Variants in WWOX observed in about 807,000 individuals in gnomAD.
The protein encoded by WWOX is WW domain containing oxidoreductase, also known as WW domain-containing oxidoreductase.
A neutral mutation model predicts 46.2 loss-of-function variants in WWOX; 69 were observed. The observed-to-expected ratio is 1.49, with a 90% CI of 1.23 to 1.82. The LOEUF (loss-of-function observed/expected upper bound fraction) is 1.82. Among genes scored for constraint, WWOX ranks in the 40% most tolerant of loss-of-function variants. WWOX has a pLI of 0.00. For missense variants in WWOX, 919 were observed against 542.6 expected, an observed-to-expected ratio of 1.69 and a Z score of -6.89; for synonymous variants, 359 against 202.6, an observed-to-expected ratio of 1.77 and a Z score of -6.56.
At chr16:78,684,103 A>T (rs1431080536) in intron 8 of WWOX, among the ~76,000 whole-genome samples, 2 of 152,110 alleles carry the variant, frequency 1.3e-5, no homozygotes, top group Non-Finnish European at 2.9e-5. Context: ...GTGCAGTTCA[A>T]CTCAACCTCA....
chr16:78,867,311 C>G (rs556173895), intron 8 of WWOX, among the ~76,000 whole-genome samples: 4 of 152,242 alleles, frequency 2.6e-5, no homozygotes, highest in South Asian at 2.1e-4. Flanking sequence ...TTTCATATCC[C>G]TTTCTATTTT....
chr16:78,259,767 G>C (rs1316171933), intron 5 of WWOX, among the ~76,000 whole-genome samples: 1 of 150,958 alleles, frequency 6.6e-6, no homozygotes, highest in Non-Finnish European at 1.5e-5. Flanking sequence ...TCTATCAAAA[G>C]TTTTATAAAC....
At chr16:78,843,177 C>T (rs1218197548) in intron 8 of WWOX, among the ~76,000 whole-genome samples, 1 of 149,858 alleles carries the variant, frequency 6.7e-6, no homozygotes, top group East Asian at 2.0e-4. Flanking sequence ...AGCCACTGTC[C>T]TAGGAGAGGA....
chr16:78,723,582 CTTT>C (rs1369214444), intron 8 of WWOX, among the ~76,000 whole-genome samples: 109 of 68,628 alleles, frequency 1.6e-3, no homozygotes, highest in African/African-American at 6.9e-3. Flanking sequence ...CTTTTCTTTT[CTTT>C]TCTTTTCTTT....
intron 8 of WWOX, among the ~76,000 whole-genome samples, chr16:79,076,005 G>T (rs933361941): frequency 6.6e-6 from 1 of 152,130 alleles, no homozygotes; most frequent in Non-Finnish European, 1.5e-5. Context: ...TTGTTGAAGT[G>T]GGGTTTTTTT....
intron 3 of WWOX, among the ~76,000 whole-genome samples, chr16:78,111,063 G>C (rs1367195770): frequency 6.6e-6 from 1 of 151,610 alleles, no homozygotes; most frequent in Non-Finnish European, 1.5e-5. Flanking sequence ...TTTGATTCAA[G>C]TACACCAACA....
intron 8 of WWOX, among the ~76,000 whole-genome samples, chr16:78,504,966 A>G (rs1056499521): frequency 1.3e-5 from 2 of 152,116 alleles, no homozygotes; most frequent in Non-Finnish European, 2.9e-5. Context: ...GTATAAATTG[A>G]TGTGTTTTTG....
At chr16:78,482,667 A>AT (rs2084524376) in intron 8 of WWOX, among the ~76,000 whole-genome samples, 2 of 152,202 alleles carry the variant, frequency 1.3e-5, no homozygotes, top group African/African-American at 4.8e-5. Flanking sequence ...CCAGGCAGAG[A>AT]AACTGAGGCT....
intron 8 of WWOX, among the ~76,000 whole-genome samples, chr16:79,148,794 G>GTGC (rs397953961): frequency 6.6e-6 from 1 of 150,524 alleles, no homozygotes; most frequent in African/African-American, 2.4e-5. Context: ...ATTGTAAATG[G>GTGC]CATTGTGTTT....
At chr16:79,046,445 G>C (rs954167735) in intron 8 of WWOX, among the ~76,000 whole-genome samples, 1 of 152,176 alleles carries the variant, frequency 6.6e-6, no homozygotes, top group Non-Finnish European at 1.5e-5. Flanking sequence ...GTTTTACATG[G>C]TTCTGGAGAC....
At chr16:78,569,515 G>A (rs759523171) in intron 8 of WWOX, among the ~76,000 whole-genome samples, 2 of 152,056 alleles carry the variant, frequency 1.3e-5, no homozygotes, top group Non-Finnish European at 2.9e-5. Context: ...CAATTTTATC[G>A]GCTCCTTTTT....
intron 8 of WWOX, among the ~76,000 whole-genome samples, chr16:78,721,116 T>C (rs750228433): frequency 6.6e-6 from 1 of 152,128 alleles, no homozygotes; most frequent in Non-Finnish European, 1.5e-5. Flanking sequence ...GCCCAGAATC[T>C]CCATAAACTG....
At position 78,422,844 on chromosome 16, in the gene WWOX, T is replaced by TAG. The variant is rs1275255392; in HGVS notation, c.606-2025_606-2024insGA. 6.0e-4 allele frequency among the ~76,000 whole-genome samples: 63 copies of TAG among 105,118 alleles called. 1 individual carries two copies. The highest frequency in any genetic ancestry group is 9.4e-4 in the Non-Finnish European group (54 of 57,652). The allele number at this position is 105,118 out of a possible 152,430, so 69.0% of individuals were successfully genotyped here. On this transcript the variant is annotated intron_variant, in intron 6 of 8. Coordinates refer to ENST00000566780, the MANE Select transcript of WWOX (RefSeq NM_016373.4). ...ACACACACATATATATATATACATA[T>TAG]ACACACACACACACACACACACACA...
intron 8 of WWOX, among the ~76,000 whole-genome samples, chr16:78,508,324 TTTTTTTTTTTTTTTTTAA>T (rs1404085131): frequency 1.4e-4 from 3 of 21,104 alleles, no homozygotes; most frequent in African/African-American, 2.3e-4. Flanking sequence ...TTTTTTTTTT[TTTTTTTTTTTTTTTTTAA>T]CGCTCATCAG....
intron 8 of WWOX, among the ~76,000 whole-genome samples, chr16:78,446,290 C>A (rs74030263): frequency 1.3e-5 from 2 of 152,052 alleles, no homozygotes; most frequent in Non-Finnish European, 2.9e-5. Flanking sequence ...AAAGAGCATG[C>A]GCTTTTGACT....
intron 8 of WWOX, among the ~76,000 whole-genome samples, chr16:78,614,905 A>G (rs1363106932): frequency 6.6e-6 from 1 of 152,110 alleles, no homozygotes; most frequent in African/African-American, 2.4e-5. Flanking sequence ...TTTTAAATCC[A>G]TTCTTAGATT....
intron 8 of WWOX, among the ~76,000 whole-genome samples, chr16:78,530,239 C>A (rs1016116344): frequency 6.6e-6 from 1 of 152,148 alleles, no homozygotes; most frequent in East Asian, 1.9e-4. Flanking sequence ...GTTTTGCCAT[C>A]CACGGACGGC....
chr16:79,139,608 TTCTTTTC>T (rs2050049752), intron 8 of WWOX, among the ~76,000 whole-genome samples: 2 of 152,192 alleles, frequency 1.3e-5, no homozygotes, highest in African/African-American at 4.8e-5. Context: ...CTTTCTTTCT[TTCTTTTC>T]TTTTTTTAAG....
chr16:78,489,520 T>C (rs1165132587), intron 8 of WWOX, among the ~76,000 whole-genome samples: 1 of 152,144 alleles, frequency 6.6e-6, no homozygotes, highest in Non-Finnish European at 1.5e-5. Flanking sequence ...CAGTTTTCAT[T>C]CTCCCCTTAG....
Sources: allele counts gnomAD v4.1 joint callset (sites outside exome capture counted in the v4.1 genomes callset), GRCh38; gene constraint gnomAD v4.1.1; transcripts MANE v1.5; gene names NCBI Gene and HGNC (gene_info 2026-07-23, HGNC 2026-07-21).